Variants in SYNE1 observed in about 807,000 individuals in gnomAD.
The protein encoded by SYNE1 is spectrin repeat containing nuclear envelope protein 1, also known as nesprin-1.
SYNE1 carries 616 observed loss-of-function variants against 1,111.0 expected under a neutral mutation model. That is an observed-to-expected ratio of 0.55 (90% CI 0.52 to 0.59). The LOEUF is 0.59. Ranked by LOEUF, SYNE1 falls within the 20% of genes least tolerant of loss-of-function variation. SYNE1 has a pLI of 0.00. For synonymous variants in SYNE1, 3,855 were observed against 3,825.8 expected (o/e 1.01, Z -0.28); for missense variants, 10,006 against 10,417.0 (o/e 0.96, Z 1.72).
intron 32 of SYNE1, 126 bp from the exon 33 acceptor site, chr6:152,436,227 T>A: frequency 2.1e-6 from 2 of 954,218 alleles, no homozygotes; most frequent in South Asian, 3.4e-5. Flanking sequence ...CATGTATGGA[T>A]CTTACATTGT....
intron 100 of SYNE1, among the ~76,000 whole-genome samples, chr6:152,262,560 A>ACAGGACACAGGAGGGCGGTG (rs1562596805): frequency 6.6e-6 from 1 of 152,210 alleles, no homozygotes; most frequent in Non-Finnish European, 1.5e-5. Context: ...CAGAGAAAAC[A>ACAGGACACAGGAGGGCGGTG]CAGGACACAG....
chr6:152,342,369 T>C (rs2096550852), intron 74 of SYNE1, among the ~76,000 whole-genome samples: 1 of 152,206 alleles, frequency 6.6e-6, no homozygotes, highest in Non-Finnish European at 1.5e-5. Context: ...GGCTTGTGGG[T>C]CAAGGAAACT....
Position 152,344,210 on chromosome 6 carries a change from T to C in SYNE1, c.12096A>G (p.Glu4032=), listed in dbSNP as rs926621992. The C allele has an allele frequency of 5.6e-6, 9 of 1,614,104 alleles. No individual in the cohort carries two copies. Among genetic ancestry groups the C allele is most frequent in the Non-Finnish European group, 7.6e-6 (9 of 1,180,048 alleles). The part of the protein sequence containing the change: ...STAQRMYQSL[E]HELQKHVSRQ... ...GGCTGACGTGCTTCTGAAGTTCGTG[T>C]TCCAAACTCTGGTACATCTGAGACA... The change falls in exon 74 of 146, where the codon GAA becomes GAG. Residue 4032 remains glutamate, a synonymous_variant. Coordinates refer to ENST00000367255, the MANE Select transcript of SYNE1 (RefSeq NM_182961.4).
At position 152,628,294 on chromosome 6, in the gene SYNE1, T is replaced by C. The variant is rs2099690291; in HGVS notation, c.38A>G (p.Asp13Gly). ...CAGCCTCTGCATCACATTGGCGATA[T>C]CCCGAGGACACCGGGAGGCCCCTCT... ...TSRGASRCPR[D>G]IANVMQRLQD... is the part of the protein sequence containing the mutation. The change falls in exon 3 of 146, where the codon GAT (aspartate) becomes GGT (glycine). Residue 13 changes from aspartate to glycine, a missense_variant. Coordinates refer to ENST00000367255, the MANE Select transcript of SYNE1 (RefSeq NM_182961.4). 1 of 1,614,136 alleles carries C rather than the reference T, an allele frequency of 6.2e-7. No homozygotes were observed. The highest frequency in any genetic ancestry group is 8.5e-7 in the Non-Finnish European group (1 of 1,180,032).
intron 51 of SYNE1, among the ~76,000 whole-genome samples, chr6:152,393,468 C>T (rs754959951): frequency 4.0e-5 from 6 of 151,656 alleles, no homozygotes; most frequent in Non-Finnish European, 8.8e-5. Context: ...TGCAATGATG[C>T]TAGTATTCTG....
chr6:152,218,525 C>T, intron 120 of SYNE1, 122 bp from the exon 121 acceptor site: 1 of 1,150,200 alleles, frequency 8.7e-7, no homozygotes, highest in Non-Finnish European at 1.3e-6. Context: ...TATCAAATTG[C>T]CATTCTCTAG....
chr6:152,339,965 A>T (rs11155847), intron 74 of SYNE1, among the ~76,000 whole-genome samples: 1 of 152,124 alleles, frequency 6.6e-6, no homozygotes, highest in African/African-American at 2.4e-5. Context: ...GATACTGGGC[A>T]TAGAGCAGCC....
chr6:152,204,851 C>T (rs149459076), intron 126 of SYNE1, among the ~76,000 whole-genome samples: 188 of 152,084 alleles, frequency 1.2e-3, no homozygotes, highest in African/African-American at 4.3e-3. Context: ...AGACATCATG[C>T]CTTATTAAGT....
chr6:152,319,384 A>C (rs182489817), intron 84 of SYNE1, among the ~76,000 whole-genome samples: 2 of 152,344 alleles, frequency 1.3e-5, no homozygotes, highest in Admixed American at 1.3e-4. Flanking sequence ...CTTTTTCTTC[A>C]TAAGATGGAA....
intron 11 of SYNE1, among the ~76,000 whole-genome samples, chr6:152,488,869 C>A (rs1215201612): frequency 6.6e-6 from 1 of 151,928 alleles, no homozygotes; most frequent in African/African-American, 2.4e-5. Flanking sequence ...CATTGGTAAC[C>A]CAGAAGACAG....
chr6:152,209,265 A>G (rs1212220591), intron 124 of SYNE1, among the ~76,000 whole-genome samples: 1 of 152,220 alleles, frequency 6.6e-6, no homozygotes, highest in African/African-American at 2.4e-5. Context: ...GAAACTTCCT[A>G]TTATCCAGAA....
Position 152,148,876 on chromosome 6 carries a change from C to A in SYNE1, c.24643-498G>T, listed in dbSNP as rs1208490680. Among the ~76,000 whole-genome samples, 1 of 152,064 alleles carries A rather than the reference C, an allele frequency of 6.6e-6. No homozygotes were observed. The highest frequency in any genetic ancestry group is 1.9e-4 in the East Asian group (1 of 5,190). ...CACTGGCAAGGATCGGAAATAAGAGCAAATTACTAAGACCTTAGCTTGTCC... is the reference window on the plus strand; with the variant it reads ...CACTGGCAAGGATCGGAAATAAGAGAAAATTACTAAGACCTTAGCTTGTCC... On this transcript the variant is annotated intron_variant, in intron 136 of 145. Coordinates refer to ENST00000367255, the MANE Select transcript of SYNE1 (RefSeq NM_182961.4). The surrounding 1 kb of genome is among the most constrained non-coding windows in gnomAD (Gnocchi z 4.1).
intron 97 of SYNE1, among the ~76,000 whole-genome samples, chr6:152,280,497 ATTC>A (rs1329132070): frequency 1.3e-5 from 2 of 152,078 alleles, no homozygotes; most frequent in Admixed American, 1.3e-4. Flanking sequence ...GACCAAGACA[ATTC>A]TTCTTCTTCC....
intron 106 of SYNE1, among the ~76,000 whole-genome samples, chr6:152,243,837 G>A (rs2086399677): frequency 6.6e-6 from 1 of 152,064 alleles, no homozygotes; most frequent in South Asian, 2.1e-4. Flanking sequence ...TTTCTTGATC[G>A]AACATAACTG....
chr6:152,450,502 G>A lies in SYNE1; in HGVS notation c.3395+123C>T, dbSNP rs2098638556. 4.0e-6 allele frequency: 4 copies of A among 992,290 alleles called. No individual in the cohort carries two copies. The South Asian group carries it at 5.1e-5, about 13-fold the overall frequency. The allele number at this position is 992,290 out of a possible 1,614,324, so 61.5% of individuals were successfully genotyped here. A position where few individuals can be genotyped will look rare whatever the true frequency, so the allele number is the denominator to read the frequency against. On this transcript the variant is annotated intron_variant, in intron 27 of 145. Coordinates refer to ENST00000367255, the MANE Select transcript of SYNE1 (RefSeq NM_182961.4). ...AAATCCATTCCTTTTATTAAATGAA[G>A]GATTTTTGTACGAGAACATGAGCAA...
chr6:152,495,755 A>C (rs2098995897), intron 11 of SYNE1, among the ~76,000 whole-genome samples: 1 of 152,202 alleles, frequency 6.6e-6, no homozygotes, highest in East Asian at 1.9e-4. Context: ...TGTGCGGTCT[A>C]ACCCTAGCCA....
chr6:152,236,605 A>G (rs1196694781), intron 109 of SYNE1, among the ~76,000 whole-genome samples: 1 of 152,174 alleles, frequency 6.6e-6, no homozygotes, highest in Non-Finnish European at 1.5e-5. Flanking sequence ...TGGAGGCTGA[A>G]TTTTCAAAAA....
rs544845341 is a variant in SYNE1 at position 152,123,074 on chromosome 6, C to T, written c.26154-398G>A. ...ATTTTTGTTTTAAGAATATCATGAA[C>T]ATTGTTAAGCAAAATTAGTTGCTGT... is the stretch of plus-strand genomic sequence containing the variant. On this transcript the variant is annotated intron_variant, in intron 145 of 145. Transcript: ENST00000367255. 5.3e-5 allele frequency among the ~76,000 whole-genome samples: 8 copies of T among 152,270 alleles called. No homozygotes were observed. The East Asian group carries it at 1.5e-3, about 29-fold the overall frequency.
chr6:152,235,941 C>A (rs568265170), intron 110 of SYNE1, among the ~76,000 whole-genome samples, 166 bp downstream of exon 110: 1 of 151,994 alleles, frequency 6.6e-6, no homozygotes, highest in East Asian at 1.9e-4. Context: ...TGGGGTCTTA[C>A]TATGTTGCCC....
Sources: allele counts gnomAD v4.1 joint callset (sites outside exome capture counted in the v4.1 genomes callset), GRCh38; gene constraint gnomAD v4.1.1; non-coding constraint Gnocchi (gnomAD v3.1); transcripts MANE v1.5; gene names NCBI Gene and HGNC (gene_info 2026-07-23, HGNC 2026-07-21).